LGR5: variants seen among roughly 807,000 people sequenced by gnomAD.
The protein encoded by LGR5 is leucine rich repeat containing G protein-coupled receptor 5.
A neutral mutation model predicts 76.7 loss-of-function variants in LGR5; 54 were observed. The observed-to-expected ratio is 0.70, with a 90% CI of 0.57 to 0.88. LGR5 has a LOEUF of 0.88. Ranked by LOEUF, LGR5 falls within the 40% of genes least tolerant of loss-of-function variation. The probability of loss-of-function intolerance (pLI) is 0.00; values close to 1 mark genes in which losing one functional copy is unlikely to be tolerated. For synonymous variants in LGR5, 406 were observed against 421.9 expected (o/e 0.96, Z 0.46); for missense variants, 1,078 against 1,073.3 (o/e 1.00, Z -0.06).
chr12:71,528,559 A>C (rs970597424), intron 3 of LGR5, among the ~76,000 whole-genome samples: 3 of 152,242 alleles, frequency 2.0e-5, no homozygotes, highest in Admixed American at 6.5e-5. Context: ...GGAAATGTGC[A>C]ACCTTTTTAA....
intron 3 of LGR5, among the ~76,000 whole-genome samples, chr12:71,533,397 A>G (rs1043128018): frequency 6.6e-6 from 1 of 152,172 alleles, no homozygotes; most frequent in African/African-American, 2.4e-5. Flanking sequence ...TTAGCACAGC[A>G]TGGGGTAGTT....
At chr12:71,446,862 C>A (rs1432169795) in intron 1 of LGR5, among the ~76,000 whole-genome samples, 1 of 152,176 alleles carries the variant, frequency 6.6e-6, no homozygotes, top group Non-Finnish European at 1.5e-5. Context: ...TTTTATATAT[C>A]CATTTTCTTA....
chr12:71,551,108 T>G (rs117743204), intron 4 of LGR5, among the ~76,000 whole-genome samples: 3,833 of 152,332 alleles, frequency 0.025, 71 homozygotes, highest in Middle Eastern at 0.034. Flanking sequence ...TATTGGAAAT[T>G]TAATCGTAAA....
At chr12:71,556,826 T>G in intron 6 of LGR5, 136 bp downstream of exon 6, 1 of 684,546 alleles carries the variant, frequency 1.5e-6, no homozygotes, top group East Asian at 2.6e-5. Context: ...ACAGTGGCAT[T>G]ATCTTACACA....
Position 71,584,571 on chromosome 12 carries a change from C to G in LGR5, c.2561C>G (p.Ser854Cys), listed in dbSNP as rs1233647405. 3.1e-6 allele frequency: 5 copies of G among 1,614,108 alleles called. No individual in the cohort carries two copies. In the South Asian group the frequency reaches 5.5e-5, roughly 18 times the overall value. Reference sequence around the variant, plus strand: ...CACCCAAGCTTGATGTCAATTAACTCTGATGATGTCGAAAAACAGTCCTGT... The same window carrying G: ...CACCCAAGCTTGATGTCAATTAACTGTGATGATGTCGAAAAACAGTCCTGT... Reference protein sequence around the residue: ...SKHPSLMSINSDDVEKQSCDS... With the variant: ...SKHPSLMSINCDDVEKQSCDS... Residue 854 changes from serine (S) to cysteine (C), a missense_variant, in exon 18 of 18, where the codon TCT becomes TGT. Coordinates refer to ENST00000266674, the MANE Select transcript of LGR5 (RefSeq NM_003667.4).
intron 4 of LGR5, among the ~76,000 whole-genome samples, chr12:71,540,368 A>C (rs1456092999): frequency 6.6e-6 from 1 of 152,236 alleles, no homozygotes; most frequent in African/African-American, 2.4e-5. Flanking sequence ...TAGGTTGGCA[A>C]ATAGAAAATG....
In LGR5 at chr12:71,458,670, T is replaced by C. The variant is rs113582810; in HGVS notation, c.212+18378T>C. On this transcript the variant is annotated intron_variant, in intron 1 of 17. Transcript: ENST00000266674. ...CTATGACTGTGGAAGAGATCTTTCA[T>C]AGTGTCAGCTTCGTGTTCCTGCAAA... Among the ~76,000 whole-genome samples, 413 of 152,288 alleles carry C rather than the reference T, an allele frequency of 2.7e-3. 3 individuals carry two copies. The highest frequency in any genetic ancestry group is 9.5e-3 in the African/African-American group (397 of 41,572).
chr12:71,553,050 T>C, intron 4 of LGR5, 23 bp from the exon 5 acceptor site: 1 of 1,610,086 alleles, frequency 6.2e-7, no homozygotes, highest in Non-Finnish European at 8.5e-7. Context: ...CTCTTTTCCA[T>C]TCTTGCTTTC....
chr12:71,536,223 GT>G (rs750129880), intron 4 of LGR5, among the ~76,000 whole-genome samples: 6 of 152,200 alleles, frequency 3.9e-5, no homozygotes, highest in Non-Finnish European at 8.8e-5. Flanking sequence ...GAAAATTGTT[GT>G]AAAGAATCCT....
intron 8 of LGR5, among the ~76,000 whole-genome samples, chr12:71,563,122 G>A (rs531701639): frequency 1.3e-5 from 2 of 152,098 alleles, no homozygotes; most frequent in South Asian, 2.1e-4. Context: ...AACTAGCGGC[G>A]CCAACCCCAA....
Position 71,484,744 on chromosome 12 carries a change from A to G in LGR5, c.213-19870A>G, listed in dbSNP as rs146801703. On this transcript the variant is annotated intron_variant, in intron 1 of 17. Coordinates refer to ENST00000266674, the MANE Select transcript of LGR5 (RefSeq NM_003667.4). ...AGTACACACGGTTCCTACGAAAGTGACCTCTCCACAAATAACTACATCTAC... is the reference window on the plus strand; with the variant it reads ...AGTACACACGGTTCCTACGAAAGTGGCCTCTCCACAAATAACTACATCTAC... Among the ~76,000 whole-genome samples the G allele has an allele frequency of 1.2e-4, 19 of 152,236 alleles. No individual in the cohort carries two copies. In the East Asian group the frequency reaches 2.7e-3, roughly 22 times the overall value.
chr12:71,480,276 G>A (rs140601797), intron 1 of LGR5, among the ~76,000 whole-genome samples: 5 of 150,762 alleles, frequency 3.3e-5, no homozygotes, highest in Admixed American at 1.3e-4. Flanking sequence ...AGGCAGACAC[G>A]CTTGAACCTG....
rs536278114 is a variant in LGR5 at position 71,502,854 on chromosome 12, A to G, written c.213-1760A>G. On this transcript the variant is annotated intron_variant, in intron 1 of 17. Coordinates refer to ENST00000266674, the MANE Select transcript of LGR5 (RefSeq NM_003667.4). ...TGGAGTGCTTATGAATCACCTTAAT[A>G]TGTAAATGACTATGTTCTATTTAGA... is the stretch of plus-strand genomic sequence containing the variant. Among the ~76,000 whole-genome samples, 102 of 152,352 alleles carry G rather than the reference A, an allele frequency of 6.7e-4. 1 individual carries two copies. Among genetic ancestry groups the G allele is most frequent in the African/African-American group, 2.3e-3 (95 of 41,594 alleles).
At chr12:71,546,316 A>AC (rs1458632982) in intron 4 of LGR5, among the ~76,000 whole-genome samples, 1 of 54,974 alleles carries the variant, frequency 1.8e-5, no homozygotes, top group African/African-American at 4.6e-5. Flanking sequence ...CTCAGTCTCA[A>AC]AATATATATA....
At chr12:71,495,719 A>T (rs748791302) in intron 1 of LGR5, among the ~76,000 whole-genome samples, 7 of 151,416 alleles carry the variant, frequency 4.6e-5, no homozygotes, top group African/African-American at 7.4e-5. Context: ...ACTCAAACTA[A>T]GACAAAATAT....
chr12:71,531,859 C>A (rs1876331639), intron 3 of LGR5, among the ~76,000 whole-genome samples: 1 of 152,058 alleles, frequency 6.6e-6, no homozygotes, highest in Non-Finnish European at 1.5e-5. Context: ...CAGAGTGAGA[C>A]CCTGTCCCCC....
intron 1 of LGR5, among the ~76,000 whole-genome samples, chr12:71,466,619 C>CA (rs1415571447): frequency 2.0e-5 from 3 of 149,302 alleles, no homozygotes; most frequent in African/African-American, 4.9e-5. Flanking sequence ...GATTCCCTGC[C>CA]AAAAAAAATT....
At chr12:71,573,314 A>G (rs1878699886) in intron 13 of LGR5, among the ~76,000 whole-genome samples, 1 of 152,176 alleles carries the variant, frequency 6.6e-6, no homozygotes, top group Non-Finnish European at 1.5e-5. Flanking sequence ...CAAAGTGCTT[A>G]ATAATCACCT....
At chr12:71,576,133 G>T (rs1878844962) in intron 13 of LGR5, among the ~76,000 whole-genome samples, 1 of 152,172 alleles carries the variant, frequency 6.6e-6, no homozygotes, top group South Asian at 2.1e-4. Flanking sequence ...GTTAATGCAT[G>T]CAGGGCTTAA....
Sources: gnomAD v4.1 joint callset for allele counts (sites outside exome capture counted in the v4.1 genomes callset) on GRCh38, gnomAD v4.1.1 for gene constraint, MANE v1.5 for transcripts, NCBI Gene and HGNC (gene_info 2026-07-23, HGNC 2026-07-21) for gene names.